The following IMMP2L variants were observed in gnomAD, a reference collection of about 807,000 sequenced individuals.
IMMP2L encodes the protein inner mitochondrial membrane peptidase subunit 2.
IMMP2L carries 18 observed loss-of-function variants against 19.3 expected under a neutral mutation model. That is an observed-to-expected ratio of 0.93 (90% CI 0.64 to 1.38). The LOEUF (loss-of-function observed/expected upper bound fraction) is 1.38. IMMP2L is among the 40% of genes most tolerant of loss of function. The pLI is 0.00. For synonymous variants in IMMP2L, 76 were observed against 73.0 expected, an observed-to-expected ratio of 1.04 and a Z score of -0.21; for missense variants, 233 against 218.2, an observed-to-expected ratio of 1.07 and a Z score of -0.43.
intron 2 of IMMP2L, among the ~76,000 whole-genome samples, chr7:111,500,281 C>T (rs1844063510): frequency 6.6e-6 from 1 of 152,150 alleles, no homozygotes; most frequent in East Asian, 1.9e-4. Context: ...ATTGCCGAGG[C>T]TCGATTAGGT....
chr7:111,439,981 T>C (rs1183187492), intron 3 of IMMP2L, among the ~76,000 whole-genome samples: 1 of 151,906 alleles, frequency 6.6e-6, no homozygotes, highest in East Asian at 1.9e-4. Flanking sequence ...TCTTTGCTGA[T>C]CCATAAGAAG....
At chr7:111,363,456 C>T (rs1198737272) in intron 3 of IMMP2L, among the ~76,000 whole-genome samples, 1 of 152,024 alleles carries the variant, frequency 6.6e-6, no homozygotes, top group Non-Finnish European at 1.5e-5. Context: ...ATAATATTTC[C>T]TCCTTTTTGA....
rs78254586 is a variant in IMMP2L, at chr7:110,683,021, C to G, written c.409-19300G>C. ...CATTGCTCTGCTTATAAAAAGGGGG[C>G]CATTGAGATTAGTGCACAACAAAAT... On this transcript the variant is annotated intron_variant, in intron 5 of 5. Transcript: ENST00000405709. 8.0e-3 allele frequency among the ~76,000 whole-genome samples: 1,217 copies of G among 152,112 alleles called. 19 individuals carry two copies. The highest frequency in any genetic ancestry group is 0.028 in the African/African-American group (1,167 of 41,528).
At chr7:111,120,862 C>T (rs141360516) in intron 3 of IMMP2L, among the ~76,000 whole-genome samples, 2 of 151,814 alleles carry the variant, frequency 1.3e-5, no homozygotes, top group East Asian at 1.9e-4. Context: ...CCTGTTGAAT[C>T]GCAATCTAAC....
intron 3 of IMMP2L, among the ~76,000 whole-genome samples, chr7:110,991,124 C>G (rs1228044591): frequency 6.6e-6 from 1 of 152,058 alleles, no homozygotes; most frequent in Non-Finnish European, 1.5e-5. Flanking sequence ...TTAGGATGAT[C>G]AATGCAAAGT....
intron 3 of IMMP2L, among the ~76,000 whole-genome samples, chr7:111,367,425 A>G (rs1274464428): frequency 2.0e-5 from 3 of 151,678 alleles, no homozygotes; most frequent in Non-Finnish European, 4.4e-5. Flanking sequence ...CCAGTTAGTT[A>G]GTTACCTTCA....
intron 3 of IMMP2L, among the ~76,000 whole-genome samples, chr7:111,240,873 C>T (rs1814936158): frequency 6.6e-6 from 1 of 151,818 alleles, no homozygotes; most frequent in African/African-American, 2.4e-5. Flanking sequence ...ATTTTTTTAA[C>T]ATCACACTAG....
chr7:110,925,490 TC>T (rs10706875), intron 4 of IMMP2L, among the ~76,000 whole-genome samples: 4,919 of 152,236 alleles, frequency 0.032, 114 homozygotes, highest in South Asian at 0.059. Context: ...TGCATGTAGA[TC>T]TACTGACATT....
chr7:111,027,520 A>C (rs1826970031), intron 3 of IMMP2L, among the ~76,000 whole-genome samples: 1 of 152,002 alleles, frequency 6.6e-6, no homozygotes, highest in African/African-American at 2.4e-5. Context: ...TATGTGAATG[A>C]AACTGCAGAC....
At chr7:111,335,860 T>C (rs1385667316) in intron 3 of IMMP2L, among the ~76,000 whole-genome samples, 3 of 152,094 alleles carry the variant, frequency 2.0e-5, no homozygotes, top group Non-Finnish European at 4.4e-5. Flanking sequence ...TATAATTTCA[T>C]GGAAATACAC....
At chr7:111,526,092 C>T (rs1846822659) in intron 1 of IMMP2L, among the ~76,000 whole-genome samples, 1 of 150,502 alleles carries the variant, frequency 6.6e-6, no homozygotes, top group Non-Finnish European at 1.5e-5. Flanking sequence ...GTTTAAGAAA[C>T]TAAAATAAGT....
intron 5 of IMMP2L, among the ~76,000 whole-genome samples, chr7:110,791,207 G>C (rs1007757869): frequency 7.3e-5 from 11 of 151,602 alleles, no homozygotes; most frequent in African/African-American, 2.7e-4. Context: ...TTGTAAGACA[G>C]TTGATGACTA....
intron 3 of IMMP2L, among the ~76,000 whole-genome samples, chr7:111,164,711 G>A (rs542920183): frequency 2.0e-5 from 3 of 152,096 alleles, no homozygotes; most frequent in East Asian, 1.9e-4. Context: ...TTAATTATAG[G>A]AATCAGGCCA....
intron 1 of IMMP2L, among the ~76,000 whole-genome samples, chr7:111,550,258 C>A (rs932262040): frequency 6.6e-6 from 1 of 152,054 alleles, no homozygotes; most frequent in African/African-American, 2.4e-5. Context: ...AAGGCAAAAA[C>A]ATTGGAGACA....
chr7:111,282,311 A>G (rs1036676877), intron 3 of IMMP2L, among the ~76,000 whole-genome samples: 2 of 152,234 alleles, frequency 1.3e-5, no homozygotes, highest in East Asian at 1.9e-4. Context: ...AAATGAAGAA[A>G]TATCTGTTCT....
chr7:111,318,127 T>C (rs1315361575), intron 3 of IMMP2L, among the ~76,000 whole-genome samples: 1 of 152,174 alleles, frequency 6.6e-6, no homozygotes, highest in Non-Finnish European at 1.5e-5. Flanking sequence ...GCTTATGATT[T>C]AGCAGTTTTA....
At chr7:110,928,821 C>A (rs1815163401) in intron 4 of IMMP2L, among the ~76,000 whole-genome samples, 1 of 152,040 alleles carries the variant, frequency 6.6e-6, no homozygotes, top group South Asian at 2.1e-4. Context: ...AAACCAAATC[C>A]CCTGAAGGCA....
At chr7:111,124,467 T>C in intron 3 of IMMP2L, 3 of 1,613,974 alleles carry the variant, frequency 1.9e-6, no homozygotes, top group Non-Finnish European at 2.5e-6. Flanking sequence ...ATTCTCATGC[T>C]GCGCAAAGTG....
intron 3 of IMMP2L, among the ~76,000 whole-genome samples, chr7:110,987,353 G>A (rs1279460350): frequency 6.6e-6 from 1 of 152,158 alleles, no homozygotes; most frequent in Non-Finnish European, 1.5e-5. Flanking sequence ...CAGTAAACCT[G>A]TTTCTGAAAA....
Sources: gnomAD v4.1 joint callset for allele counts (sites outside exome capture counted in the v4.1 genomes callset) on GRCh38, gnomAD v4.1.1 for gene constraint, MANE v1.5 for transcripts, NCBI Gene and HGNC (gene_info 2026-07-23, HGNC 2026-07-21) for gene names.